The following PRKG1 variants were observed in gnomAD, a reference collection of about 807,000 sequenced individuals.
PRKG1 encodes the protein cGMP-dependent protein kinase 1.
PRKG1 carries 35 observed loss-of-function variants against 88.1 expected under a neutral mutation model. That is an observed-to-expected ratio of 0.40 (90% confidence interval 0.30 to 0.53). The LOEUF (loss-of-function observed/expected upper bound fraction) is 0.53, where lower values mean the gene tolerates loss of function less well. Among genes scored for constraint, PRKG1 ranks in the 20% least tolerant of loss-of-function variants. The probability of loss-of-function intolerance (pLI) is 0.59; values close to 1 mark genes in which losing one functional copy is unlikely to be tolerated. For synonymous variants in PRKG1, 303 were observed against 292.5 expected, an observed-to-expected ratio of 1.04 and a Z score of -0.37; for missense variants, 540 against 839.8, an observed-to-expected ratio of 0.64 and a Z score of 4.41.
chr10:51,732,803 T>G (rs948600532), intron 3 of PRKG1, among the ~76,000 whole-genome samples: 4 of 152,146 alleles, frequency 2.6e-5, no homozygotes, highest in African/African-American at 9.7e-5. Context: ...TTAATAAAAA[T>G]TATAAGCTAG....
intron 8 of PRKG1, among the ~76,000 whole-genome samples, chr10:52,143,939 T>G (rs1257652025): frequency 6.6e-6 from 1 of 152,220 alleles, no homozygotes; most frequent in East Asian, 1.9e-4. Flanking sequence ...GGATTAACTC[T>G]TGGTCCAAAC....
At chr10:52,263,113 A>T (rs980098148) in intron 10 of PRKG1, among the ~76,000 whole-genome samples, 13 of 152,076 alleles carry the variant, frequency 8.5e-5, no homozygotes, top group East Asian at 1.9e-4. Context: ...CTAATTTTTT[A>T]AAAAATAAGA....
chr10:51,737,740 A>AATAATT (rs1837321986), intron 3 of PRKG1, among the ~76,000 whole-genome samples: 1 of 133,434 alleles, frequency 7.5e-6, no homozygotes, highest in Admixed American at 7.7e-5. Context: ...TTTATTTATT[A>AATAATT]ATTATTATTA....
intron 1 of PRKG1, among the ~76,000 whole-genome samples, chr10:51,006,644 A>G (rs1037188980): frequency 2.0e-5 from 3 of 152,054 alleles, no homozygotes; most frequent in African/African-American, 7.2e-5. Flanking sequence ...CATATTTAGG[A>G]CTTATTTTCC....
chr10:51,589,955 T>A (rs1838268297), intron 3 of PRKG1, among the ~76,000 whole-genome samples: 1 of 152,212 alleles, frequency 6.6e-6, no homozygotes, highest in South Asian at 2.1e-4. Flanking sequence ...AATCAATTAC[T>A]ATGATGAATA....
At position 51,603,922 on chromosome 10, in the gene PRKG1, C is replaced by A. The variant is rs138326250; in HGVS notation, c.592+136086C>A. On this transcript the variant is annotated intron_variant, in intron 3 of 17. Transcript: ENST00000373980. Reference sequence around the variant, plus strand: ...TATCTTCAATTACTAGCAAGGCTGTCACGCTGGGATGGTGCAGTGGAAAGA... The same window carrying A: ...TATCTTCAATTACTAGCAAGGCTGTAACGCTGGGATGGTGCAGTGGAAAGA... 4.2e-3 allele frequency among the ~76,000 whole-genome samples: 635 copies of A among 152,266 alleles called. 24 individuals carry two copies. In the South Asian group the frequency reaches 0.086, roughly 21 times the overall value.
chr10:52,101,353 C>T (rs140420324), intron 7 of PRKG1, among the ~76,000 whole-genome samples: 86 of 125,398 alleles, frequency 6.9e-4, no homozygotes, highest in African/African-American at 2.0e-3. Context: ...ACCATAACCA[C>T]ATTATATATT....
At chr10:51,960,528 C>T (rs900178042) in intron 5 of PRKG1, among the ~76,000 whole-genome samples, 1 of 151,528 alleles carries the variant, frequency 6.6e-6, no homozygotes, top group African/African-American at 2.4e-5. Flanking sequence ...CAAAAATAAC[C>T]GTTTTCTATT....
chr10:52,170,080 A>G (rs1838623162), intron 9 of PRKG1, among the ~76,000 whole-genome samples: 1 of 152,220 alleles, frequency 6.6e-6, no homozygotes, highest in Admixed American at 6.5e-5. Flanking sequence ...TAAAGAACCT[A>G]TAAAAATAAT....
chr10:52,071,480 T>C (rs1463874458), intron 7 of PRKG1, among the ~76,000 whole-genome samples: 1 of 152,202 alleles, frequency 6.6e-6, no homozygotes, highest in African/African-American at 2.4e-5. Flanking sequence ...ATCTTAAATA[T>C]CTTTTACATT....
At chr10:51,497,133 T>A (rs1840882388) in intron 3 of PRKG1, among the ~76,000 whole-genome samples, 1 of 152,198 alleles carries the variant, frequency 6.6e-6, no homozygotes, top group Non-Finnish European at 1.5e-5. Flanking sequence ...CTACATTAAG[T>A]CAATTCACCT....
chr10:51,880,999 A>C (rs1027660432), intron 4 of PRKG1, among the ~76,000 whole-genome samples: 1 of 149,564 alleles, frequency 6.7e-6, no homozygotes, highest in Admixed American at 6.7e-5. Flanking sequence ...ATAAGAGTAA[A>C]TGACAAGTAG....
At chr10:52,155,003 G>T (rs780361169) in intron 8 of PRKG1, among the ~76,000 whole-genome samples, 9 of 152,050 alleles carry the variant, frequency 5.9e-5, no homozygotes, top group African/African-American at 2.2e-4. Flanking sequence ...GTATTCCATG[G>T]TGTATATATA....
chr10:51,938,137 C>T (rs1842833877), intron 5 of PRKG1, among the ~76,000 whole-genome samples: 1 of 152,064 alleles, frequency 6.6e-6, no homozygotes, highest in African/African-American at 2.4e-5. Context: ...TGTCATTCAC[C>T]TCTCTTCATC....
intron 1 of PRKG1, among the ~76,000 whole-genome samples, chr10:51,019,938 T>C (rs1843115068): frequency 6.6e-6 from 1 of 151,884 alleles, no homozygotes; most frequent in African/African-American, 2.4e-5. Flanking sequence ...AAATCAAAAC[T>C]ATGAGATGCT....
At chr10:51,746,245 G>A (rs983585477) in intron 3 of PRKG1, among the ~76,000 whole-genome samples, 4 of 151,348 alleles carry the variant, frequency 2.6e-5, no homozygotes, top group Non-Finnish European at 4.4e-5. Flanking sequence ...AAGCCAAACC[G>A]AACAAGCAAC....
chr10:51,349,248 C>T (rs1457023789), intron 2 of PRKG1, among the ~76,000 whole-genome samples: 1 of 152,134 alleles, frequency 6.6e-6, no homozygotes, highest in African/African-American at 2.4e-5. Context: ...CTACGGATTT[C>T]TGTTTCTTCC....
chr10:51,754,466 A>T (rs774348915), intron 3 of PRKG1, among the ~76,000 whole-genome samples: 1 of 152,124 alleles, frequency 6.6e-6, no homozygotes, highest in South Asian at 2.1e-4. Flanking sequence ...TTCACTCAGG[A>T]TGGTACTGAA....
intron 2 of PRKG1, among the ~76,000 whole-genome samples, chr10:51,307,654 A>G (rs1175020612): frequency 6.6e-6 from 1 of 152,198 alleles, no homozygotes. Flanking sequence ...GGCAATAAGC[A>G]TTAGACCAAA....
Sources: gnomAD v4.1 joint callset for allele counts (sites outside exome capture counted in the v4.1 genomes callset) on GRCh38, gnomAD v4.1.1 for gene constraint, MANE v1.5 for transcripts, NCBI Gene and HGNC (gene_info 2026-07-23, HGNC 2026-07-21) for gene names.